The following CDC34 variants were observed in gnomAD, a reference collection of about 807,000 sequenced individuals.
CDC34 encodes the protein ubiquitin-conjugating enzyme E2 R1.
In CDC34, 18 loss-of-function variants were observed where a neutral mutation model predicts 26.8. That is an observed-to-expected ratio of 0.67 (90% CI 0.47 to 1.00). The LOEUF (loss-of-function observed/expected upper bound fraction) is 1.00. Ranked by LOEUF, CDC34 falls within the 50% of genes least tolerant of loss-of-function variation. The pLI is 0.00. For synonymous variants in CDC34, 178 were observed against 147.5 expected (o/e 1.21, Z -1.50); for missense variants, 280 against 334.5 (o/e 0.84, Z 1.27).
chr19:538,516 A>G (rs539349527), intron 4 of CDC34, among the ~76,000 whole-genome samples: 9 of 139,572 alleles, frequency 6.4e-5, no homozygotes, highest in African/African-American at 1.5e-4. Context: ...TTCCTGTTAC[A>G]TAGAGGCCCT....
intron 1 of CDC34, among the ~76,000 whole-genome samples, chr19:534,445 G>A (rs1372125304): frequency 4.9e-5 from 6 of 123,582 alleles, no homozygotes; most frequent in African/African-American, 9.4e-5. Context: ...CCTCGCCCAC[G>A]ATCCAAGACC....
intron 4 of CDC34, chr19:538,991 G>A: frequency 1.0e-6 from 1 of 985,354 alleles, no homozygotes; most frequent in Non-Finnish European, 1.2e-6. Context: ...ACCTCCTTGA[G>A]ATCCCAGCAC....
At chr19:536,505 A>C (rs918291867) in intron 3 of CDC34, 165 bp downstream of exon 3, 2 of 610,448 alleles carry the variant, frequency 3.3e-6, no homozygotes, top group South Asian at 2.0e-5. Context: ...CTGTACCTGC[A>C]CGGTAGGTGC....
At chr19:532,226 G>A in intron 1 of CDC34, 118 bp downstream of exon 1, 1 of 770,664 alleles carries the variant, frequency 1.3e-6, no homozygotes. Flanking sequence ...AAGCCTCCTG[G>A]CTTGGGCTCG....
chr19:533,043 G>A (rs777837238), intron 1 of CDC34, among the ~76,000 whole-genome samples: 2 of 152,162 alleles, frequency 1.3e-5, no homozygotes, highest in Non-Finnish European at 2.9e-5. Context: ...TGTTGGGAGC[G>A]GGGAGGCTGT....
Position 534,468 on chromosome 19 carries a change from TC to T in CDC34, c.178-1366del, listed in dbSNP as rs1979641685. On this transcript the variant is annotated intron_variant, in intron 1 of 4. Coordinates refer to ENST00000215574, the MANE Select transcript of CDC34 (RefSeq NM_004359.2). ...ACGATCCAAGACCCCCTGAGTGCCCTCCCTGTCCAGACCTCACCCACGATCC... is the reference window on the plus strand; with the variant it reads ...ACGATCCAAGACCCCCTGAGTGCCCTCCTGTCCAGACCTCACCCACGATCC... Among the ~76,000 whole-genome samples, 35 of 95,496 alleles carry T rather than the reference TC, an allele frequency of 3.7e-4. 1 individual carries two copies. The highest frequency in any genetic ancestry group is 1.8e-3 in the East Asian group (5 of 2,854). The allele number at this position is 95,496 out of a possible 152,430, so 62.6% of individuals were successfully genotyped here.
chr19:541,730 G>A lies in CDC34; in HGVS notation c.*178G>A, dbSNP rs1484957331. 4.8e-6 allele frequency: 3 copies of A among 628,194 alleles called. No homozygotes were observed. The highest frequency in any genetic ancestry group is 3.2e-5 in the South Asian group (1 of 31,106). 38.9% of individuals were successfully genotyped at this position (628,194 alleles called of 1,614,324 possible). A position where few individuals can be genotyped will look rare whatever the true frequency, so the allele number is the denominator to read the frequency against. ...TTTTCACGTGCTTCAGAGAAGAGGG[G>A]CTGCCCCACCGCCACTCACGTCACT... is the stretch of plus-strand genomic sequence containing the variant. On this transcript the variant is annotated 3_prime_UTR_variant, in exon 5 of 5. Coordinates refer to ENST00000215574, the MANE Select transcript of CDC34 (RefSeq NM_004359.2).
Position 541,398 on chromosome 19 carries a change from C to T in CDC34, c.557C>T (p.Thr186Met), listed in dbSNP as rs1227684760. The T allele has an allele frequency of 1.9e-6, 3 of 1,611,206 alleles. No individual in the cohort carries two copies. The highest frequency in any genetic ancestry group is 2.5e-6 in the Non-Finnish European group (3 of 1,179,562). The change falls in exon 5 of 5, where the codon ACG becomes ATG. Residue 186 changes from threonine to methionine, a missense_variant. Coordinates refer to ENST00000215574, the MANE Select transcript of CDC34 (RefSeq NM_004359.2). ...AERDGVKVPT[T>M]LAEYCVKTKA... ...CGTGACGGCGTGAAGGTGCCCACCA[C>T]GCTGGCCGAGTACTGCGTGAAGACC...
At chr19:537,670 T>A (rs1240197305) in intron 4 of CDC34, among the ~76,000 whole-genome samples, 1 of 139,052 alleles carries the variant, frequency 7.2e-6, no homozygotes, top group Non-Finnish European at 1.5e-5. Context: ...TTTTTTTTTT[T>A]TTGGAGACAG....
intron 1 of CDC34, among the ~76,000 whole-genome samples, chr19:533,292 C>G (rs897065856): frequency 6.6e-6 from 1 of 152,184 alleles, no homozygotes; most frequent in Non-Finnish European, 1.5e-5. Context: ...GGGCCCGGCC[C>G]GCTCTGCCCC....
rs575590641 is a variant in CDC34 at position 541,827 on chromosome 19, G to A, written c.*275G>A. On this transcript the variant is annotated 3_prime_UTR_variant, in exon 5 of 5. Transcript: ENST00000215574. Reference sequence around the variant, plus strand: ...TCCCCTCGGGAGGGGAGCTGAGCCCGACTTCTACCGGGGTCCCCCAGCTTC... The same window carrying A: ...TCCCCTCGGGAGGGGAGCTGAGCCCAACTTCTACCGGGGTCCCCCAGCTTC... The A allele has an allele frequency of 7.4e-4, 206 of 279,598 alleles. 1 individual carries two copies. The highest frequency in any genetic ancestry group is 3.3e-3 in the African/African-American group (151 of 45,872). The allele number at this position is 279,598 out of a possible 1,614,324, so 17.3% of individuals were successfully genotyped here.
intron 4 of CDC34, chr19:539,006 AT>A (rs1278498859): frequency 1.0e-6 from 1 of 985,146 alleles, no homozygotes; most frequent in Non-Finnish European, 1.2e-6. Flanking sequence ...CAGCACAGAA[AT>A]AAAAGCCACA....
chr19:535,987 ACGTCCT>A (rs1979721031), intron 2 of CDC34, 64 bp downstream of exon 2: 2 of 1,468,690 alleles, frequency 1.4e-6, no homozygotes, highest in African/African-American at 1.4e-5. Context: ...TGGGAGCCTC[ACGTCCT>A]CATCCTTCCG....
At chr19:536,498 T>C (rs1321146218) in intron 3 of CDC34, 158 bp downstream of exon 3, 8 of 617,262 alleles carry the variant, frequency 1.3e-5, no homozygotes, top group Non-Finnish European at 2.0e-5. Context: ...GGCCTCGCTG[T>C]ACCTGCACGG....
Position 541,412 on chromosome 19 carries a change from T to C in CDC34, c.571T>C (p.Cys191Arg), listed in dbSNP as rs1980007755. The C allele has an allele frequency of 3.1e-6, 5 of 1,612,114 alleles. No homozygotes were observed. Among genetic ancestry groups the C allele is most frequent in the Non-Finnish European group, 3.4e-6 (4 of 1,179,820 alleles). Residue 191 changes from cysteine (C) to arginine (R), a missense_variant, in exon 5 of 5, where the codon TGC becomes CGC. Cys to Arg is a radical substitution (Grantham distance 180). Coordinates refer to ENST00000215574, the MANE Select transcript of CDC34 (RefSeq NM_004359.2). ...GGTGCCCACCACGCTGGCCGAGTACTGCGTGAAGACCAAGGCGCCGGCGCC... is the reference window on the plus strand; with the variant it reads ...GGTGCCCACCACGCTGGCCGAGTACCGCGTGAAGACCAAGGCGCCGGCGCC... ...VKVPTTLAEY[C>R]VKTKAPAPDE... is the part of the protein sequence containing the mutation.
At chr19:539,103 TC>T in intron 4 of CDC34, 1 of 807,462 alleles carries the variant, frequency 1.2e-6, no homozygotes, top group South Asian at 5.6e-5. Context: ...GCCTGTTTTT[TC>T]ATCTGTGTGC....
intron 1 of CDC34, among the ~76,000 whole-genome samples, chr19:535,465 C>T (rs1406805053): frequency 6.6e-6 from 1 of 152,240 alleles, no homozygotes; most frequent in Admixed American, 6.5e-5. Flanking sequence ...CCTGGAGCCC[C>T]TGCCAGTCCA....
chr19:535,856 T>C lies in CDC34; in HGVS notation c.197T>C (p.Ile66Thr). The C allele has an allele frequency of 6.2e-7, 1 of 1,613,848 alleles. No homozygotes were observed. Among genetic ancestry groups the C allele is most frequent in the Non-Finnish European group, 8.5e-7 (1 of 1,179,960 alleles). ...CTGCAGGCGCGCCTCAAGTTCCCCA[T>C]CGACTACCCATACTCTCCACCAGCC... ...GYFKARLKFP[I>T]DYPYSPPAFR... The change falls in exon 2 of 5, where the codon ATC becomes ACC. Residue 66 changes from isoleucine to threonine, a missense_variant. Ile to Thr is a moderately conservative substitution (Grantham distance 89). Coordinates refer to ENST00000215574, the MANE Select transcript of CDC34 (RefSeq NM_004359.2).
chr19:533,958 G>A (rs1484466767), intron 1 of CDC34, among the ~76,000 whole-genome samples: 1 of 152,220 alleles, frequency 6.6e-6, no homozygotes, highest in Non-Finnish European at 1.5e-5. Flanking sequence ...GCCAAAGTGA[G>A]CCCTGGGGCA....
Sources: allele counts gnomAD v4.1 joint callset (sites outside exome capture counted in the v4.1 genomes callset), GRCh38; gene constraint gnomAD v4.1.1; transcripts MANE v1.5; gene names NCBI Gene and HGNC (gene_info 2026-07-23, HGNC 2026-07-21).